Variants in GNG12 observed in about 807,000 individuals in gnomAD.
The protein encoded by GNG12 is G protein subunit gamma 12.
For synonymous variants in GNG12, 28 were observed against 29.7 expected, an observed-to-expected ratio of 0.94 and a Z score of 0.19; for missense variants, 69 against 83.8, an observed-to-expected ratio of 0.82 and a Z score of 0.69.
intron 2 of GNG12, among the ~76,000 whole-genome samples, chr1:67,756,163 A>G (rs1646567022): frequency 6.6e-6 from 1 of 152,224 alleles, no homozygotes; most frequent in African/African-American, 2.4e-5. Flanking sequence ...TAGGTAAGGT[A>G]GAGGGTGCAA....
At chr1:67,783,121 C>T (rs189102863) in intron 1 of GNG12, among the ~76,000 whole-genome samples, 200 of 152,246 alleles carry the variant, frequency 1.3e-3, no homozygotes, top group East Asian at 2.7e-3. Context: ...GCCACTAGGA[C>T]GAACTCCATG....
intron 2 of GNG12, among the ~76,000 whole-genome samples, chr1:67,736,260 C>T (rs1234109024): frequency 6.6e-6 from 1 of 152,074 alleles, no homozygotes; most frequent in Non-Finnish European, 1.5e-5. Flanking sequence ...GTTGTGCCTG[C>T]CAAGCGTGAG....
intron 2 of GNG12, among the ~76,000 whole-genome samples, chr1:67,770,980 G>A (rs148419183): frequency 7.2e-5 from 11 of 152,216 alleles, no homozygotes; most frequent in East Asian, 5.8e-4. Context: ...GTGTGTGTGC[G>A]TGCTGAGAGA....
At chr1:67,777,534 A>G (rs1646713045) in intron 1 of GNG12, 27 bp from the exon 2 acceptor site, 13 of 582,706 alleles carry the variant, frequency 2.2e-5, no homozygotes, top group Non-Finnish European at 2.4e-5. Context: ...TAAACATTCC[A>G]TAAGTAAATC....
At chr1:67,759,492 G>A (rs1285908482) in intron 2 of GNG12, among the ~76,000 whole-genome samples, 2 of 152,174 alleles carry the variant, frequency 1.3e-5, no homozygotes, top group Non-Finnish European at 2.9e-5. Flanking sequence ...TGTGTGACCT[G>A]CGAATATCTG....
chr1:67,730,140 TA>T (rs1372068019), intron 2 of GNG12, among the ~76,000 whole-genome samples: 1 of 152,176 alleles, frequency 6.6e-6, no homozygotes, highest in Non-Finnish European at 1.5e-5. Flanking sequence ...GAACAACCTT[TA>T]AAAACACATA....
intron 1 of GNG12, among the ~76,000 whole-genome samples, chr1:67,786,926 T>TAC (rs1646771045): frequency 1.2e-4 from 4 of 33,076 alleles, no homozygotes; most frequent in Non-Finnish European, 2.4e-4. Flanking sequence ...AACAGAGACT[T>TAC]ATATATATAT....
intron 2 of GNG12, among the ~76,000 whole-genome samples, chr1:67,722,467 T>C (rs1323742334): frequency 1.3e-5 from 2 of 151,938 alleles, no homozygotes; most frequent in Admixed American, 6.6e-5. Context: ...AAATAAGGAA[T>C]GTAAGTGGGT....
chr1:67,758,087 TC>T lies in GNG12; in HGVS notation c.-27+19370del, dbSNP rs1646580518. Among the ~76,000 whole-genome samples, 3 of 152,300 alleles carry T rather than the reference TC, an allele frequency of 2.0e-5. No individual in the cohort carries two copies. The South Asian group carries it at 6.2e-4, about 32-fold the overall frequency. On this transcript the variant is annotated intron_variant, in intron 2 of 3. Transcript: ENST00000370982. ...CCCAGGTTCAAGCAATTCTCCTGCC[TC>T]AGCCTCCCGAGGAGCTGGGATTACA...
chr1:67,743,447 G>A (rs980389145), intron 2 of GNG12, among the ~76,000 whole-genome samples: 2 of 152,216 alleles, frequency 1.3e-5, no homozygotes, highest in African/African-American at 4.8e-5. Context: ...GCAAATGACA[G>A]AGAATTTTTA....
intron 2 of GNG12, among the ~76,000 whole-genome samples, chr1:67,770,918 G>A (rs1226129209): frequency 6.6e-6 from 1 of 152,104 alleles, no homozygotes; most frequent in Admixed American, 6.5e-5. Context: ...AATACTGACT[G>A]TTTATAGACC....
At chr1:67,781,457 T>C (rs1396113301) in intron 1 of GNG12, among the ~76,000 whole-genome samples, 1 of 152,220 alleles carries the variant, frequency 6.6e-6, no homozygotes, top group Non-Finnish European at 1.5e-5. Flanking sequence ...TATTACATTC[T>C]TGACTTGAGG....
intron 1 of GNG12, among the ~76,000 whole-genome samples, chr1:67,831,035 A>C (rs996323939): frequency 1.3e-5 from 2 of 152,236 alleles, no homozygotes; most frequent in African/African-American, 4.8e-5. Flanking sequence ...AGACTGAAAA[A>C]GGTTAAATAG....
intron 2 of GNG12, among the ~76,000 whole-genome samples, chr1:67,723,857 CA>C (rs1646370692): frequency 6.6e-6 from 1 of 152,042 alleles, no homozygotes; most frequent in Non-Finnish European, 1.5e-5. Context: ...TTCACAAAAC[CA>C]GGGGGAGGAG....
At position 67,728,646 on chromosome 1, in the gene GNG12, C is replaced by T. The variant is rs3766262; in HGVS notation, c.-26-20934G>A. Reference sequence around the variant, plus strand: ...GAAATATGCACACGGGGAAGGGAGACGGGTCAGCAGTTGGCAGCTTCTGAA... The same window carrying T: ...GAAATATGCACACGGGGAAGGGAGATGGGTCAGCAGTTGGCAGCTTCTGAA... On this transcript the variant is annotated intron_variant, in intron 2 of 3. Coordinates refer to ENST00000370982, the MANE Select transcript of GNG12 (RefSeq NM_018841.6). Among the ~76,000 whole-genome samples, 159 of 152,220 alleles carry T rather than the reference C, an allele frequency of 1.0e-3. 1 individual carries two copies. The East Asian group carries it at 0.015, about 14-fold the overall frequency.
At chr1:67,731,177 G>A (rs1280722295) in intron 2 of GNG12, among the ~76,000 whole-genome samples, 1 of 151,722 alleles carries the variant, frequency 6.6e-6, no homozygotes, top group Admixed American at 6.6e-5. Flanking sequence ...ATGCTTCTAG[G>A]GCCTGTCAGG....
intron 1 of GNG12, among the ~76,000 whole-genome samples, chr1:67,788,999 T>C (rs942151027): frequency 6.6e-6 from 1 of 152,228 alleles, no homozygotes; most frequent in African/African-American, 2.4e-5. Context: ...GTGCTTTTGC[T>C]ACAGTGCTGT....
chr1:67,790,807 G>C (rs867076438), intron 1 of GNG12, among the ~76,000 whole-genome samples: 2 of 152,044 alleles, frequency 1.3e-5, no homozygotes, highest in Non-Finnish European at 2.9e-5. Flanking sequence ...GTAGAGACAA[G>C]GTTTCACCAT....
chr1:67,809,735 A>C (rs563878712), intron 1 of GNG12, among the ~76,000 whole-genome samples: 7 of 152,284 alleles, frequency 4.6e-5, no homozygotes, highest in African/African-American at 1.7e-4. Flanking sequence ...ATACCACCAC[A>C]CACCTACCAG....
Sources: allele counts gnomAD v4.1 joint callset (sites outside exome capture counted in the v4.1 genomes callset), GRCh38; gene constraint gnomAD v4.1.1; transcripts MANE v1.5; gene names NCBI Gene and HGNC (gene_info 2026-07-23, HGNC 2026-07-21).